VAMP4: variants seen among roughly 807,000 people sequenced by gnomAD.
The protein encoded by VAMP4 is vesicle associated membrane protein 4.
In VAMP4, 19 loss-of-function variants were observed where a neutral mutation model predicts 23.5. That is an observed-to-expected ratio of 0.81 (90% CI 0.56 to 1.19). VAMP4 has a LOEUF of 1.19. VAMP4 is among the 50% of genes most tolerant of loss of function. The pLI is 0.00. For missense variants in VAMP4, 145 were observed against 168.6 expected, an observed-to-expected ratio of 0.86 and a Z score of 0.78; for synonymous variants, 31 against 51.0, an observed-to-expected ratio of 0.61 and a Z score of 1.67.
rs369795884 is a variant in VAMP4, at chr1:171,716,848, T to C, written c.164+2323A>G. ...GAGTCATGCCCTGCTTAGATAAGCA[T>C]TAATCAAGGTTTAATGCATGCTTGA... On this transcript the variant is annotated intron_variant, in intron 4 of 7. Transcript: ENST00000236192. Among the ~76,000 whole-genome samples the C allele has an allele frequency of 6.6e-5, 10 of 152,302 alleles. 1 individual carries two copies. The highest frequency in any genetic ancestry group is 2.0e-4 in the Admixed American group (3 of 15,288).
At chr1:171,729,099 T>G (rs1655477043) in intron 2 of VAMP4, among the ~76,000 whole-genome samples, 1 of 152,212 alleles carries the variant, frequency 6.6e-6, no homozygotes. Context: ...AACTTTAGAC[T>G]TTTATAACAT....
chr1:171,714,571 AGAC>A lies in VAMP4; in HGVS notation c.165-3760_165-3758del, dbSNP rs1654965030. ...AGGATCGCTTGAGCCCAGGAGTTTG[AGAC>A]CAGACTCGCCAACATGGCAAAACCC... On this transcript the variant is annotated intron_variant, in intron 4 of 7. Coordinates refer to ENST00000236192, the MANE Select transcript of VAMP4 (RefSeq NM_003762.5). Among the ~76,000 whole-genome samples the A allele has an allele frequency of 2.0e-5, 3 of 152,200 alleles. No individual in the cohort carries two copies. The South Asian group carries it at 6.2e-4, about 31-fold the overall frequency.
intron 4 of VAMP4, among the ~76,000 whole-genome samples, chr1:171,711,126 G>A (rs1245504812): frequency 1.3e-5 from 2 of 152,082 alleles, no homozygotes; most frequent in Non-Finnish European, 2.9e-5. Flanking sequence ...TAGTTAAACA[G>A]CTTCACTAAA....
intron 6 of VAMP4, 95 bp downstream of exon 6, chr1:171,709,568 TCA>T (rs1295560158): frequency 9.1e-7 from 1 of 1,093,568 alleles, no homozygotes; most frequent in Non-Finnish European, 1.4e-6. Context: ...GGCCCTGTTC[TCA>T]CAGAGGTTAT....
intron 3 of VAMP4, among the ~76,000 whole-genome samples, chr1:171,719,540 A>C (rs1655122415): frequency 6.6e-6 from 1 of 152,138 alleles, no homozygotes; most frequent in Admixed American, 6.6e-5. Flanking sequence ...AAACTCTGAA[A>C]TATCCTAACT....
In VAMP4 at chr1:171,739,169, T is replaced by C. The variant is rs1655842063; in HGVS notation, c.-49-706A>G. On this transcript the variant is annotated intron_variant, in intron 1 of 7. Transcript: ENST00000236192. ...GGCTGGTCACAGAAAAACCTAGGCA[T>C]GATTAGAAGACTGGGACTTTACAGC... Among the ~76,000 whole-genome samples the C allele has an allele frequency of 1.3e-5, 2 of 152,114 alleles. 1 individual carries two copies. Among genetic ancestry groups the C allele is most frequent in the South Asian group, 4.1e-4 (2 of 4,826 alleles).
At chr1:171,718,837 A>C (rs1284641035) in intron 4 of VAMP4, among the ~76,000 whole-genome samples, 2 of 152,182 alleles carry the variant, frequency 1.3e-5, no homozygotes, top group Non-Finnish European at 2.9e-5. Context: ...AATTCTGAGA[A>C]AATAAAATGA....
intron 2 of VAMP4, among the ~76,000 whole-genome samples, chr1:171,731,038 A>C: frequency 7.1e-6 from 1 of 140,336 alleles, no homozygotes; most frequent in Admixed American, 7.0e-5. Flanking sequence ...CTCTGTCTCT[A>C]CTAAAAATAC....
At chr1:171,727,230 T>C (rs1293644031) in intron 3 of VAMP4, among the ~76,000 whole-genome samples, 6 of 78,440 alleles carry the variant, frequency 7.6e-5, no homozygotes, top group Non-Finnish European at 1.4e-4. Context: ...GCAAAAGTAA[T>C]ACCTTGTCTC....
rs978760985 is a variant in VAMP4 at position 171,704,400 on chromosome 1, GA to G, written c.*105del. On this transcript the variant is annotated 3_prime_UTR_variant, in exon 8 of 8. Transcript: ENST00000236192. ...AGTGATACTTGCCTCTTAGTTTCTT[GA>G]AAAAGAAGTTTTGAAAGTTATATAC... 5 of 928,294 alleles carry G rather than the reference GA, an allele frequency of 5.4e-6. No homozygotes were observed. The highest frequency in any genetic ancestry group is 2.4e-4 in the Middle Eastern group (1 of 4,234). 57.5% of individuals were successfully genotyped at this position (928,294 alleles called of 1,614,324 possible). A position where few individuals can be genotyped will look rare whatever the true frequency, so the allele number is the denominator to read the frequency against.
chr1:171,704,758 A>G (rs1476927754), intron 7 of VAMP4, among the ~76,000 whole-genome samples: 1 of 152,080 alleles, frequency 6.6e-6, no homozygotes, highest in African/African-American at 2.4e-5. Context: ...ATAATGGCAT[A>G]GCCATAGCTT....
intron 7 of VAMP4, among the ~76,000 whole-genome samples, chr1:171,705,352 C>A (rs1165723280): frequency 6.6e-6 from 1 of 152,144 alleles, no homozygotes; most frequent in Admixed American, 6.6e-5. Context: ...AGCACTTCAG[C>A]ACCACGTGTG....
intron 2 of VAMP4, among the ~76,000 whole-genome samples, chr1:171,737,577 G>A (rs1275842683): frequency 2.0e-5 from 3 of 152,130 alleles, no homozygotes; most frequent in East Asian, 1.9e-4. Flanking sequence ...AAGTTTTGGA[G>A]GAAAATTTGA....
chr1:171,732,498 C>T (rs1400316087), intron 2 of VAMP4, among the ~76,000 whole-genome samples: 1 of 152,116 alleles, frequency 6.6e-6, no homozygotes, highest in Non-Finnish European at 1.5e-5. Flanking sequence ...GATCATGCCA[C>T]TGCACTCCAA....
At chr1:171,741,013 G>A (rs1639349954) in intron 1 of VAMP4, among the ~76,000 whole-genome samples, 2 of 152,176 alleles carry the variant, frequency 1.3e-5, no homozygotes, top group African/African-American at 4.8e-5. Context: ...AAGTAGACTA[G>A]GATATAGTCT....
intron 6 of VAMP4, among the ~76,000 whole-genome samples, chr1:171,708,521 G>A (rs1473037232): frequency 6.6e-6 from 1 of 151,658 alleles, no homozygotes; most frequent in African/African-American, 2.4e-5. Context: ...ATAAATCCAA[G>A]GTAACTCTTG....
At chr1:171,737,115 G>A (rs886889200) in intron 2 of VAMP4, among the ~76,000 whole-genome samples, 7 of 152,190 alleles carry the variant, frequency 4.6e-5, no homozygotes, top group African/African-American at 1.7e-4. Flanking sequence ...TGGACAGAGT[G>A]GATAATATGA....
intron 2 of VAMP4, among the ~76,000 whole-genome samples, chr1:171,732,357 T>TA: frequency 8.4e-6 from 1 of 119,406 alleles, no homozygotes; most frequent in South Asian, 2.6e-4. Flanking sequence ...CGTGTCTCTA[T>TA]GGGAAAAAAA....
intron 2 of VAMP4, among the ~76,000 whole-genome samples, chr1:171,736,430 A>G (rs558897497): frequency 1.6e-4 from 24 of 152,272 alleles, no homozygotes; most frequent in African/African-American, 5.8e-4. Flanking sequence ...TGCATGGGGA[A>G]CTAGCTCAAG....
Sources: gnomAD v4.1 joint callset for allele counts (sites outside exome capture counted in the v4.1 genomes callset) on GRCh38, gnomAD v4.1.1 for gene constraint, MANE v1.5 for transcripts, NCBI Gene and HGNC (gene_info 2026-07-23, HGNC 2026-07-21) for gene names.